Variants in FERMT2 observed in about 807,000 individuals in gnomAD.
FERMT2 encodes the protein fermitin family homolog 2.
Under a neutral mutation model 82.7 loss-of-function variants are expected in FERMT2, and 15 were observed. The ratio of observed to expected loss-of-function variants is 0.18; its 90% CI spans 0.12 to 0.28. FERMT2 has a LOEUF of 0.28. Ranked by LOEUF, FERMT2 falls within the 10% of genes least tolerant of loss-of-function variation. FERMT2 has a pLI of 1.00. For missense variants in FERMT2, 645 were observed against 809.4 expected (o/e 0.80, Z 2.46); for synonymous variants, 274 against 271.5 (o/e 1.01, Z -0.09).
intron 6 of FERMT2, among the ~76,000 whole-genome samples, chr14:52,880,491 C>T (rs1375012340): frequency 6.6e-6 from 1 of 152,100 alleles, no homozygotes; most frequent in Non-Finnish European, 1.5e-5. Context: ...CTCCGTCTTC[C>T]AGGTTCAAGT....
intron 3 of FERMT2, among the ~76,000 whole-genome samples, chr14:52,907,404 G>A (rs1024363498): frequency 6.6e-6 from 1 of 152,102 alleles, no homozygotes; most frequent in African/African-American, 2.4e-5. Context: ...TCTTCAGGTA[G>A]AAGAAAAAGG....
intron 10 of FERMT2, chr14:52,872,199 G>GAA (rs1399857695): frequency 2.0e-5 from 3 of 152,652 alleles, no homozygotes; most frequent in African/African-American, 4.8e-5. Context: ...GCAGAATAAG[G>GAA]AAACTCTAAA....
intron 12 of FERMT2, chr14:52,861,171 T>C (rs916951197): frequency 1.1e-5 from 7 of 662,482 alleles, no homozygotes; most frequent in Middle Eastern, 2.5e-4. Context: ...TGCAAAAAAC[T>C]ACTTTAGGTA....
intron 2 of FERMT2, among the ~76,000 whole-genome samples, chr14:52,921,287 G>A (rs7157728): frequency 6.6e-6 from 1 of 152,074 alleles, no homozygotes; most frequent in Non-Finnish European, 1.5e-5. Context: ...TAATCAATAA[G>A]TATTTTAATG....
chr14:52,889,642 T>C (rs1355243810), intron 4 of FERMT2, among the ~76,000 whole-genome samples: 1 of 152,160 alleles, frequency 6.6e-6, no homozygotes, highest in Non-Finnish European at 1.5e-5. Context: ...TGTATGAACA[T>C]CATAGAGTGT....
rs571561929 is a variant in FERMT2, at chr14:52,872,014, T to C, written c.1273+785A>G. ...GAAGGACTTGCCCAAACCCTGAAAG[T>C]GTCAGCTACTCTACTGGCGAGCCAG... On this transcript the variant is annotated intron_variant, in intron 10 of 14. Transcript: ENST00000341590. 3.3e-5 allele frequency: 5 copies of C among 152,388 alleles called. No homozygotes were observed. In the East Asian group the frequency reaches 9.7e-4, roughly 29 times the overall value. 9.4% of individuals were successfully genotyped at this position (152,388 alleles called of 1,614,324 possible). A position where few individuals can be genotyped will look rare whatever the true frequency, so the allele number is the denominator to read the frequency against.
At chr14:52,913,721 G>C (rs537043069) in intron 3 of FERMT2, among the ~76,000 whole-genome samples, 12 of 151,720 alleles carry the variant, frequency 7.9e-5, no homozygotes, top group Non-Finnish European at 1.6e-4. Context: ...AGTAATGAAA[G>C]ACCAACCACC....
chr14:52,919,106 A>G lies in FERMT2; in HGVS notation c.391+17T>C. 6.5e-7 allele frequency: 1 copy of G among 1,548,190 alleles called. No homozygotes were observed. On this transcript the variant is annotated intron_variant, in intron 3 of 14. Coordinates refer to ENST00000341590, the MANE Select transcript of FERMT2 (RefSeq NM_006832.3). ...TCACATAACTCGTATTTTAAGAAGA[A>G]TTTATGTAATACTTACTAAAAGTCT...
At chr14:52,898,986 T>G (rs1887461819) in intron 3 of FERMT2, among the ~76,000 whole-genome samples, 1 of 152,200 alleles carries the variant, frequency 6.6e-6, no homozygotes, top group Non-Finnish European at 1.5e-5. Flanking sequence ...ACTACATGAT[T>G]CAAATGTATT....
chr14:52,908,506 A>G (rs1888141455), intron 3 of FERMT2, among the ~76,000 whole-genome samples: 1 of 152,222 alleles, frequency 6.6e-6, no homozygotes, highest in Non-Finnish European at 1.5e-5. Context: ...AACACACAAC[A>G]TGGATGAAGG....
At chr14:52,949,012 T>C (rs1890489133) in intron 2 of FERMT2, among the ~76,000 whole-genome samples, 1 of 152,180 alleles carries the variant, frequency 6.6e-6, no homozygotes, top group Non-Finnish European at 1.5e-5. Context: ...AGTGACTGAT[T>C]TATTCAAATC....
intron 2 of FERMT2, among the ~76,000 whole-genome samples, chr14:52,923,045 C>A (rs1327218760): frequency 6.6e-6 from 1 of 152,006 alleles, no homozygotes; most frequent in Non-Finnish European, 1.5e-5. Flanking sequence ...ATGCTGTAGG[C>A]AACTGCAACA....
intron 6 of FERMT2, among the ~76,000 whole-genome samples, chr14:52,879,735 A>C (rs1190216856): frequency 6.6e-6 from 1 of 152,172 alleles, no homozygotes; most frequent in Middle Eastern, 3.2e-3. Context: ...TACTCTAAAC[A>C]TGAAAAGGAT....
chr14:52,902,795 G>C (rs937081940), intron 3 of FERMT2, among the ~76,000 whole-genome samples: 10 of 147,592 alleles, frequency 6.8e-5, no homozygotes, highest in African/African-American at 1.0e-4. Context: ...CTTGAACCCA[G>C]GAGGTGGAGG....
chr14:52,858,709 C>A (rs1461252491), intron 14 of FERMT2, 159 bp from the exon 15 acceptor site: 3 of 598,672 alleles, frequency 5.0e-6, no homozygotes, highest in South Asian at 2.7e-5. Flanking sequence ...GCCTTTAAGT[C>A]CCAAAGAAGA....
chr14:52,865,097 C>A (rs929387855), intron 10 of FERMT2, among the ~76,000 whole-genome samples: 3 of 152,052 alleles, frequency 2.0e-5, no homozygotes, highest in Non-Finnish European at 4.4e-5. Flanking sequence ...CCGAGGCGGG[C>A]GGATCACCTG....
intron 2 of FERMT2, among the ~76,000 whole-genome samples, chr14:52,943,208 C>CAAAAAAAAAAAA (rs1176698065): frequency 9.0e-6 from 1 of 110,606 alleles, no homozygotes; most frequent in African/African-American, 4.0e-5. Flanking sequence ...AACTCTGTCT[C>CAAAAAAAAAAAA]AAAAGAAAAA....
chr14:52,921,773 A>G (rs1207050085), intron 2 of FERMT2, among the ~76,000 whole-genome samples: 7 of 152,206 alleles, frequency 4.6e-5, no homozygotes, highest in Non-Finnish European at 1.0e-4. Context: ...AGACTTTAGA[A>G]CATTTCAGAT....
At chr14:52,937,108 G>A (rs1207560379) in intron 2 of FERMT2, among the ~76,000 whole-genome samples, 2 of 152,090 alleles carry the variant, frequency 1.3e-5, no homozygotes, top group African/African-American at 4.8e-5. Flanking sequence ...GTTGCAGTGA[G>A]CTTAGATCGT....
Sources: gnomAD v4.1 joint callset for allele counts (sites outside exome capture counted in the v4.1 genomes callset) on GRCh38, gnomAD v4.1.1 for gene constraint, MANE v1.5 for transcripts, NCBI Gene and HGNC (gene_info 2026-07-23, HGNC 2026-07-21) for gene names.